HTR4: variants seen among roughly 807,000 people sequenced by gnomAD.
HTR4 encodes the protein 5-hydroxytryptamine (serotonin) receptor 4, G protein-coupled.
A neutral mutation model predicts 36.8 loss-of-function variants in HTR4; 16 were observed. The ratio of observed to expected loss-of-function variants is 0.43; its 90% CI spans 0.29 to 0.66. The LOEUF is 0.66. Ranked by LOEUF, HTR4 falls within the 30% of genes least tolerant of loss-of-function variation. HTR4 has a pLI of 0.13. For synonymous variants in HTR4, 189 were observed against 185.1 expected (o/e 1.02, Z -0.17); for missense variants, 438 against 490.9 (o/e 0.89, Z 1.02).
rs559014765 is a variant in HTR4, at chr5:148,648,712, G to T, written c.-48+5350C>A. 2.6e-3 allele frequency among the ~76,000 whole-genome samples: 393 copies of T among 152,274 alleles called. 4 individuals are homozygous for T. The highest frequency in any genetic ancestry group is 9.0e-3 in the African/African-American group (373 of 41,548). On this transcript the variant is annotated intron_variant, in intron 1 of 6. Transcript: ENST00000377888. ...AAAAATTTACCGCAACCACAAGGATGAGCCCGTGGCAACTATGCTTCTGCT... is the reference window on the plus strand; with the variant it reads ...AAAAATTTACCGCAACCACAAGGATTAGCCCGTGGCAACTATGCTTCTGCT...
rs1318033940 is a variant in HTR4, at chr5:148,455,755, C to CTGA, written c.1077-4486_1077-4484dup. On this transcript the variant is annotated intron_variant, in intron 5 of 5. Coordinates refer to the HTR4 transcript ENST00000521530. ...AGTTTACTGTTGACTGAAAGCCTTA[C>CTGA]TGATAACATAGTCAGTTAATGCATA... is the stretch of plus-strand genomic sequence containing the variant. 2.6e-5 allele frequency among the ~76,000 whole-genome samples: 4 copies of CTGA among 152,248 alleles called. No individual in the cohort carries two copies. The East Asian group carries it at 7.7e-4, about 29-fold the overall frequency.
intron 4 of HTR4, among the ~76,000 whole-genome samples, chr5:148,529,716 G>T (rs943124314): frequency 6.6e-6 from 1 of 152,200 alleles, no homozygotes; most frequent in Admixed American, 6.5e-5. Context: ...ACAGGCAGAG[G>T]TTGGAATAGT....
At chr5:148,550,847 G>A (rs1759647775) in intron 2 of HTR4, among the ~76,000 whole-genome samples, 1 of 152,090 alleles carries the variant, frequency 6.6e-6, no homozygotes, top group South Asian at 2.1e-4. Flanking sequence ...CAATCATATA[G>A]AGCCCTAGCA....
intron 4 of HTR4, among the ~76,000 whole-genome samples, chr5:148,543,435 G>A (rs887190853): frequency 6.6e-6 from 1 of 152,178 alleles, no homozygotes; most frequent in Admixed American, 6.5e-5. Flanking sequence ...TTTATTATCT[G>A]CCGCATGCTG....
chr5:148,453,313 T>G (rs904188420), intron 5 of HTR4, among the ~76,000 whole-genome samples: 2 of 152,234 alleles, frequency 1.3e-5, no homozygotes, highest in African/African-American at 4.8e-5. Flanking sequence ...GTTTTTGTGA[T>G]TATTTTATCT....
At position 148,648,450 on chromosome 5, in the gene HTR4, C is replaced by T. The variant is rs558208412; in HGVS notation, c.-48+5612G>A. Among the ~76,000 whole-genome samples the T allele has an allele frequency of 9.9e-5, 15 of 152,218 alleles. No individual in the cohort carries two copies. In the South Asian group the frequency reaches 1.9e-3, roughly 19 times the overall value. ...AGCATCAGAGTCCAAGAGAGGTGCA[C>T]GAATGGAAGGATCAGGATGTTGTGT... On this transcript the variant is annotated intron_variant, in intron 1 of 6. Coordinates refer to ENST00000377888, the MANE Select transcript of HTR4 (RefSeq NM_000870.7).
intron 2 of HTR4, among the ~76,000 whole-genome samples, chr5:148,609,009 T>A (rs1752295466): frequency 6.6e-6 from 1 of 152,220 alleles, no homozygotes; most frequent in African/African-American, 2.4e-5. Flanking sequence ...GACTGGTTCA[T>A]CTCACTTAGG....
chr5:148,573,889 T>A (rs1760779271), intron 2 of HTR4, among the ~76,000 whole-genome samples: 1 of 152,012 alleles, frequency 6.6e-6, no homozygotes, highest in South Asian at 2.1e-4. Flanking sequence ...TCTACCTGGA[T>A]CTACACGAGT....
chr5:148,532,858 A>G (rs972052142), intron 4 of HTR4, among the ~76,000 whole-genome samples: 95 of 152,304 alleles, frequency 6.2e-4, no homozygotes, highest in African/African-American at 2.1e-3. Context: ...TGAAACACAG[A>G]TTGCTGGTAG....
At chr5:148,556,157 G>A (rs1406141267) in intron 2 of HTR4, among the ~76,000 whole-genome samples, 2 of 152,142 alleles carry the variant, frequency 1.3e-5, no homozygotes, top group African/African-American at 4.8e-5. Context: ...CCAAGTAGCT[G>A]GGATTACAGG....
chr5:148,598,352 C>T (rs987857503), intron 2 of HTR4, among the ~76,000 whole-genome samples: 6 of 152,232 alleles, frequency 3.9e-5, no homozygotes, highest in South Asian at 2.1e-4. Context: ...TGAGACCAGC[C>T]TTGTCAACAT....
Position 148,578,635 on chromosome 5 carries a change from C to T in HTR4, c.27-28373G>A, listed in dbSNP as rs574840517. Among the ~76,000 whole-genome samples, 3 of 152,154 alleles carry T rather than the reference C, an allele frequency of 2.0e-5. No individual in the cohort carries two copies. The East Asian group carries it at 5.8e-4, about 29-fold the overall frequency. The stretch of plus-strand genomic sequence containing the variant: ...AAGCACAGTCTTTAGAGACAAACTG[C>T]CTGAATTCTTCAAATCCTGGAGTCA... On this transcript the variant is annotated intron_variant, in intron 2 of 6. Transcript: ENST00000377888.
chr5:148,560,820 C>A (rs548475593), intron 2 of HTR4, among the ~76,000 whole-genome samples: 55 of 152,164 alleles, frequency 3.6e-4, no homozygotes, highest in Admixed American at 4.6e-4. Flanking sequence ...CAGTATTTCT[C>A]CTACTAAATT....
rs531402129 is a variant in HTR4 at position 148,487,416 on chromosome 5, A to AAGG, written c.1077-4126_1077-4124dup. Among the ~76,000 whole-genome samples the AAGG allele has an allele frequency of 8.6e-4, 131 of 151,878 alleles. 1 individual carries two copies. The highest frequency in any genetic ancestry group is 2.7e-3 in the African/African-American group (111 of 41,434). On this transcript the variant is annotated intron_variant, in intron 6 of 6. Transcript: ENST00000377888. ...AGAAGGAGAAGAGGAGGAAGAAGAA[A>AAGG]AGGAGGAGGAGGAGGAGGAGGAGAA...
At chr5:148,498,926 G>C (rs1325595829) in intron 6 of HTR4, among the ~76,000 whole-genome samples, 1 of 152,124 alleles carries the variant, frequency 6.6e-6, no homozygotes, top group Non-Finnish European at 1.5e-5. Context: ...GTTTTCCATG[G>C]TTTGTAGGCA....
chr5:148,654,039 C>T (rs978024092), intron 1 of HTR4, 23 bp downstream of exon 1: 2 of 985,134 alleles, frequency 2.0e-6, no homozygotes, highest in Non-Finnish European at 2.4e-6. Context: ...GGTCCCGACC[C>T]CCGGCGCACT....
intron 5 of HTR4, among the ~76,000 whole-genome samples, chr5:148,462,867 A>G (rs992072860): frequency 3.3e-5 from 5 of 152,186 alleles, no homozygotes; most frequent in African/African-American, 1.2e-4. Flanking sequence ...TTGAAAATCA[A>G]TTAAGTAATC....
chr5:148,563,838 T>G (rs544004216), intron 2 of HTR4, among the ~76,000 whole-genome samples: 31 of 152,328 alleles, frequency 2.0e-4, no homozygotes, highest in African/African-American at 6.5e-4. Flanking sequence ...ATCAGGTACT[T>G]GAACATCCTT....
chr5:148,629,776 G>A (rs1377943806), intron 2 of HTR4: 1 of 152,226 alleles, frequency 6.6e-6, no homozygotes, highest in South Asian at 2.1e-4. Flanking sequence ...CTCCACAGCA[G>A]TAAGTTCCAG....
Sources: gnomAD v4.1 joint callset for allele counts (sites outside exome capture counted in the v4.1 genomes callset) on GRCh38, gnomAD v4.1.1 for gene constraint, MANE v1.5 for transcripts, NCBI Gene and HGNC (gene_info 2026-07-23, HGNC 2026-07-21) for gene names.